PDE3A: variants seen among roughly 807,000 people sequenced by gnomAD.
The protein encoded by PDE3A is cGMP-inhibited 3',5'-cyclic phosphodiesterase 3A.
PDE3A carries 43 observed loss-of-function variants against 98.3 expected under a neutral mutation model. The ratio of observed to expected loss-of-function variants is 0.44; its 90% CI spans 0.34 to 0.56. The LOEUF is 0.56. PDE3A is among the 20% of genes least tolerant of loss of function. The probability of loss-of-function intolerance (pLI) is 0.01; values close to 1 mark genes in which losing one functional copy is unlikely to be tolerated. For missense variants in PDE3A, 1,427 were observed against 1,440.7 expected (o/e 0.99, Z 0.15); for synonymous variants, 663 against 567.9 (o/e 1.17, Z -2.38).
chr12:20,665,392 T>C (rs1945283619), intron 15 of PDE3A, among the ~76,000 whole-genome samples: 1 of 152,218 alleles, frequency 6.6e-6, no homozygotes, highest in Non-Finnish European at 1.5e-5. Flanking sequence ...TTAAAGGATG[T>C]AATTCTGTGA....
intron 15 of PDE3A, among the ~76,000 whole-genome samples, chr12:20,665,512 G>T (rs1244271254): frequency 6.6e-6 from 1 of 152,056 alleles, no homozygotes; most frequent in African/African-American, 2.4e-5. Flanking sequence ...ATCTGTACAG[G>T]TTTGTCCAAG....
chr12:20,669,646 T>C (rs563898766), intron 15 of PDE3A, among the ~76,000 whole-genome samples: 1 of 151,578 alleles, frequency 6.6e-6, no homozygotes, highest in African/African-American at 2.4e-5. Flanking sequence ...GACAAGCAAA[T>C]GCTGAGAGAT....
intron 2 of PDE3A, among the ~76,000 whole-genome samples, chr12:20,607,343 T>C (rs1943734984): frequency 6.7e-6 from 1 of 149,362 alleles, no homozygotes; most frequent in Non-Finnish European, 1.5e-5. Flanking sequence ...AGGCTGAGGT[T>C]GGAGGATTAC....
Position 20,370,019 on chromosome 12 carries a change from C to A in PDE3A, c.735C>A (p.Gly245=), listed in dbSNP as rs767260676. 1 of 1,612,894 alleles carries A rather than the reference C, an allele frequency of 6.2e-7. No individual in the cohort carries two copies. Among genetic ancestry groups the A allele is most frequent in the Non-Finnish European group, 8.5e-7 (1 of 1,179,896 alleles). ...GACCTTACCTGGCGTACCTGGCCGGCGTGCTGGGGATCCTCTTGGCCAGGT... is the reference window on the plus strand; with the variant it reads ...GACCTTACCTGGCGTACCTGGCCGGAGTGCTGGGGATCCTCTTGGCCAGGT... The part of the protein sequence containing the change: ...AWRPYLAYLA[G]VLGILLARYV... Residue 245 remains glycine (G), a synonymous_variant, in exon 1 of 16, where the codon GGC becomes GGA. Coordinates refer to ENST00000359062, the MANE Select transcript of PDE3A (RefSeq NM_000921.5).
intron 10 of PDE3A, among the ~76,000 whole-genome samples, chr12:20,644,835 T>TCCTCCTCCTCCTCCTCCTCCC: frequency 7.2e-6 from 1 of 139,676 alleles, no homozygotes; most frequent in African/African-American, 2.6e-5. Flanking sequence ...CTCCTTCCCC[T>TCCTCCTCCTCCTCCTCCTCCC]CCTCCTCCTC....
intron 5 of PDE3A, among the ~76,000 whole-genome samples, chr12:20,623,114 T>C (rs953626796): frequency 6.6e-6 from 1 of 152,114 alleles, no homozygotes; most frequent in African/African-American, 2.4e-5. Context: ...TTAAATAGCA[T>C]AGTAGACTAC....
intron 1 of PDE3A, among the ~76,000 whole-genome samples, chr12:20,471,427 A>C (rs1371300536): frequency 6.6e-6 from 1 of 152,098 alleles, no homozygotes; most frequent in Non-Finnish European, 1.5e-5. Flanking sequence ...AGCCAAGCAA[A>C]AGGAAGAACC....
chr12:20,677,487 T>A (rs1945671512), intron 15 of PDE3A, among the ~76,000 whole-genome samples: 1 of 151,874 alleles, frequency 6.6e-6, no homozygotes, highest in African/African-American at 2.4e-5. Context: ...TGAGACAGAG[T>A]CTCGCTCTGT....
intron 1 of PDE3A, among the ~76,000 whole-genome samples, chr12:20,553,631 G>T (rs747990143): frequency 3.3e-5 from 5 of 151,442 alleles, no homozygotes; most frequent in Admixed American, 1.3e-4. Flanking sequence ...TGAGATCCGC[G>T]TGAAAAGTCC....
At chr12:20,613,817 A>T (rs1943931451) in intron 3 of PDE3A, 117 bp downstream of exon 3, 1 of 705,432 alleles carries the variant, frequency 1.4e-6, no homozygotes, top group Admixed American at 2.6e-5. Context: ...CTCAGGCAAA[A>T]TGTGTTGATC....
At chr12:20,411,589 G>A (rs764672793) in intron 1 of PDE3A, among the ~76,000 whole-genome samples, 1 of 151,736 alleles carries the variant, frequency 6.6e-6, no homozygotes, top group Non-Finnish European at 1.5e-5. Flanking sequence ...TTGCACCTGC[G>A]CTACTGAAAT....
intron 2 of PDE3A, among the ~76,000 whole-genome samples, chr12:20,561,802 T>TAG (rs1942529436): frequency 6.6e-6 from 1 of 152,214 alleles, no homozygotes; most frequent in African/African-American, 2.4e-5. Context: ...ATACTTGTCC[T>TAG]ATAGAAAAAT....
intron 1 of PDE3A, among the ~76,000 whole-genome samples, chr12:20,536,256 A>T (rs1236602978): frequency 2.0e-5 from 3 of 152,072 alleles, no homozygotes; most frequent in Non-Finnish European, 4.4e-5. Flanking sequence ...ATTCCTCAAT[A>T]TTTTTAACAG....
chr12:20,608,075 T>TA (rs138084082), intron 2 of PDE3A, among the ~76,000 whole-genome samples: 13,561 of 152,218 alleles, frequency 0.089, 774 homozygotes, highest in East Asian at 0.17. Flanking sequence ...CCCTCTCCCT[T>TA]AAAATTCCTT....
chr12:20,515,828 G>C (rs7954197), intron 1 of PDE3A, among the ~76,000 whole-genome samples: 12,558 of 149,388 alleles, frequency 0.084, 811 homozygotes, highest in African/African-American at 0.19. Flanking sequence ...CGCCTCCCGG[G>C]TTCACGCCAT....
At chr12:20,667,717 G>C (rs1007717071) in intron 15 of PDE3A, among the ~76,000 whole-genome samples, 2 of 152,048 alleles carry the variant, frequency 1.3e-5, no homozygotes, top group Non-Finnish European at 2.9e-5. Context: ...CTCCATCTTT[G>C]TTCTTTTCGT....
rs1944133264 is a variant in PDE3A at position 20,621,386 on chromosome 12, A to G, written c.1515A>G (p.Val505=). 2 of 1,607,918 alleles carry G rather than the reference A, an allele frequency of 1.2e-6. No individual in the cohort carries two copies. The highest frequency in any genetic ancestry group is 1.7e-6 in the Non-Finnish European group (2 of 1,174,606). Residue 505 remains valine, a synonymous_variant, in exon 5 of 16, where the codon GTA becomes GTG. Coordinates refer to ENST00000359062, the MANE Select transcript of PDE3A (RefSeq NM_000921.5). ...ATGCTATTTCTGCAGCTAACCATGT[A>G]AAGGCTAAAAAGCAAAGTCGACCAG... is the stretch of plus-strand genomic sequence containing the variant. ...SSYAISAANH[V]KAKKQSRPGA...
intron 13 of PDE3A, among the ~76,000 whole-genome samples, chr12:20,650,209 C>G (rs1383158210): frequency 6.6e-6 from 1 of 151,600 alleles, no homozygotes; most frequent in Non-Finnish European, 1.5e-5. Context: ...ACACACTCAC[C>G]CTGTCACCCA....
chr12:20,533,390 G>A (rs1226126446), intron 1 of PDE3A, among the ~76,000 whole-genome samples: 1 of 151,344 alleles, frequency 6.6e-6, no homozygotes, highest in Admixed American at 6.6e-5. Context: ...TCTCTTGCCT[G>A]GATTATAGAA....
Sources: allele counts gnomAD v4.1 joint callset (sites outside exome capture counted in the v4.1 genomes callset), GRCh38; gene constraint gnomAD v4.1.1; transcripts MANE v1.5; gene names NCBI Gene and HGNC (gene_info 2026-07-23, HGNC 2026-07-21).